NKAIN2: variants seen among roughly 807,000 people sequenced by gnomAD.
NKAIN2 encodes sodium/potassium-transporting ATPase subunit beta-1-interacting protein 2.
A neutral mutation model predicts 32.6 loss-of-function variants in NKAIN2; 14 were observed. The observed-to-expected ratio is 0.43, with a 90% CI of 0.28 to 0.67. NKAIN2 has a LOEUF of 0.67. Among genes scored for constraint, NKAIN2 ranks in the 30% least tolerant of loss-of-function variants. The pLI, the probability that NKAIN2 is intolerant of heterozygous loss-of-function variation, is 0.17. For missense variants in NKAIN2, 198 were observed against 258.3 expected, an observed-to-expected ratio of 0.77 and a Z score of 1.60; for synonymous variants, 80 against 87.2, an observed-to-expected ratio of 0.92 and a Z score of 0.46.
intron 3 of NKAIN2, among the ~76,000 whole-genome samples, chr6:124,394,509 T>A (rs77627048): frequency 0.019 from 1,954 of 101,616 alleles, 20 homozygotes; most frequent in Non-Finnish European, 0.028. Context: ...ATAGATAGAT[T>A]AGATAGATAC....
chr6:124,599,783 C>A (rs1198215115), intron 3 of NKAIN2, among the ~76,000 whole-genome samples: 1 of 152,130 alleles, frequency 6.6e-6, no homozygotes, highest in African/African-American at 2.4e-5. Context: ...CAGAGCACAT[C>A]TACCTCTCTT....
At chr6:123,819,049 C>T (rs755441239) in intron 1 of NKAIN2, among the ~76,000 whole-genome samples, 1 of 151,960 alleles carries the variant, frequency 6.6e-6, no homozygotes, top group Non-Finnish European at 1.5e-5. Flanking sequence ...AAAATGATAC[C>T]GTTCATAGGT....
At chr6:124,225,452 T>C (rs926314514) in intron 1 of NKAIN2, among the ~76,000 whole-genome samples, 4 of 151,850 alleles carry the variant, frequency 2.6e-5, no homozygotes, top group African/African-American at 9.7e-5. Context: ...CATTTGGAAC[T>C]TTTTTTTATT....
intron 3 of NKAIN2, among the ~76,000 whole-genome samples, chr6:124,460,445 G>A (rs1776487857): frequency 6.6e-6 from 1 of 151,474 alleles, no homozygotes; most frequent in Admixed American, 6.6e-5. Flanking sequence ...ACATATCTTT[G>A]TCTTTGAAAA....
At chr6:124,774,223 C>A (rs73571611) in intron 4 of NKAIN2, among the ~76,000 whole-genome samples, 14 of 152,214 alleles carry the variant, frequency 9.2e-5, no homozygotes, top group African/African-American at 2.9e-4. Context: ...AAAGAAATGG[C>A]AAATTGGACC....
chr6:123,990,587 G>T lies in NKAIN2; in HGVS notation c.54+186333G>T, dbSNP rs187410032. 5.0e-4 allele frequency among the ~76,000 whole-genome samples: 76 copies of T among 152,216 alleles called. No homozygotes were observed. In the Middle Eastern group the frequency reaches 0.01, roughly 20 times the overall value. On this transcript the variant is annotated intron_variant, in intron 1 of 6. Coordinates refer to ENST00000368417, the MANE Select transcript of NKAIN2 (RefSeq NM_001040214.3). ...GGTTTAGGGGCTAAGGACCCAGCTG[G>T]CTCTGACACTGACAGTGGTTCACCT... is the stretch of plus-strand genomic sequence containing the variant.
intron 1 of NKAIN2, among the ~76,000 whole-genome samples, chr6:124,132,397 C>T (rs533156910): frequency 2.0e-4 from 30 of 152,302 alleles, no homozygotes; most frequent in Non-Finnish European, 1.5e-5. Flanking sequence ...CCTGATAAAC[C>T]AGAATACTTC....
At chr6:124,674,344 G>T (rs1773256169) in intron 4 of NKAIN2, among the ~76,000 whole-genome samples, 2 of 151,736 alleles carry the variant, frequency 1.3e-5, no homozygotes, top group East Asian at 1.9e-4. Flanking sequence ...GGCTGTTGGG[G>T]TCTTTTTGGT....
At position 124,009,800 on chromosome 6, in the gene NKAIN2, T is replaced by C. The variant is rs907321591; in HGVS notation, c.54+205546T>C. On this transcript the variant is annotated intron_variant, in intron 1 of 6. Transcript: ENST00000368417. The stretch of plus-strand genomic sequence containing the variant: ...TTTAACAATGATTCCTAACGGTTTT[T>C]AGAAAGTGTCCATTTTGTCACCTGC... Among the ~76,000 whole-genome samples the C allele has an allele frequency of 2.6e-5, 4 of 152,178 alleles. No homozygotes were observed. The South Asian group carries it at 8.3e-4, about 31-fold the overall frequency.
At chr6:124,111,916 T>G (rs1785403687) in intron 1 of NKAIN2, among the ~76,000 whole-genome samples, 1 of 152,080 alleles carries the variant, frequency 6.6e-6, no homozygotes, top group Admixed American at 6.5e-5. Flanking sequence ...TTTATGCTAA[T>G]AAGTTGAATT....
intron 2 of NKAIN2, among the ~76,000 whole-genome samples, chr6:124,292,073 T>C (rs1795839708): frequency 6.6e-6 from 1 of 152,166 alleles, no homozygotes; most frequent in Non-Finnish European, 1.5e-5. Context: ...ATTTAACAGT[T>C]ATTTTATATT....
In NKAIN2 at chr6:124,660,428, G is replaced by A. The variant is rs113141584; in HGVS notation, c.474+2042G>A. Among the ~76,000 whole-genome samples, 1,212 of 152,286 alleles carry A rather than the reference G, an allele frequency of 8.0e-3. 21 individuals carry two copies. The highest frequency in any genetic ancestry group is 0.028 in the African/African-American group (1,157 of 41,554). On this transcript the variant is annotated intron_variant, in intron 4 of 6. Transcript: ENST00000368417. Reference sequence around the variant, plus strand: ...ACATTTGGACGTGGGGGCATATGTTGAAGTTGACATACATACCCAAAGAAA... The same window carrying A: ...ACATTTGGACGTGGGGGCATATGTTAAAGTTGACATACATACCCAAAGAAA...
chr6:124,085,472 G>A (rs2114916457), intron 1 of NKAIN2, among the ~76,000 whole-genome samples: 1 of 151,824 alleles, frequency 6.6e-6, no homozygotes, highest in Non-Finnish European at 1.5e-5. Context: ...GTGGCCCTTT[G>A]TGTTTGTCAA....
chr6:124,803,306 C>G (rs1338446288), intron 5 of NKAIN2, among the ~76,000 whole-genome samples: 23 of 152,210 alleles, frequency 1.5e-4, no homozygotes, highest in Admixed American at 1.5e-3. Context: ...CTGAGAGGAA[C>G]AGGTAAGCTT....
intron 3 of NKAIN2, among the ~76,000 whole-genome samples, chr6:124,415,795 T>C (rs1459850625): frequency 6.6e-6 from 1 of 151,468 alleles, no homozygotes. Context: ...GGAAATGGGG[T>C]CAAACCAACT....
intron 1 of NKAIN2, among the ~76,000 whole-genome samples, chr6:123,980,931 G>T (rs1176938502): frequency 6.6e-6 from 1 of 150,516 alleles, no homozygotes; most frequent in Non-Finnish European, 1.5e-5. Flanking sequence ...GTGCAGTGGT[G>T]CGATCTCTGC....
Position 123,803,997 on chromosome 6 carries a change from C to A in NKAIN2, c.-204C>A, listed in dbSNP as rs1337630341. On this transcript the variant is annotated 5_prime_UTR_variant, in exon 1 of 7. Coordinates refer to ENST00000368417, the MANE Select transcript of NKAIN2 (RefSeq NM_001040214.3). ...CGAGTGAAGGTATGTGTGGCGGGCG[C>A]GGCTGGAGCTGCCGCCGCCGCCGCC... 5 of 585,896 alleles carry A rather than the reference C, an allele frequency of 8.5e-6. No individual in the cohort carries two copies. Among genetic ancestry groups the A allele is most frequent in the Non-Finnish European group, 1.5e-5 (5 of 328,372 alleles). 36.3% of individuals were successfully genotyped at this position (585,896 alleles called of 1,614,324 possible). A position where few individuals can be genotyped will look rare whatever the true frequency, so the allele number is the denominator to read the frequency against.
chr6:124,681,084 TAGATGAGAACA>T (rs1295693221), intron 4 of NKAIN2, among the ~76,000 whole-genome samples: 1 of 152,034 alleles, frequency 6.6e-6, no homozygotes, highest in Admixed American at 6.6e-5. Flanking sequence ...CTTTGTTTTA[TAGATGAGAACA>T]CTGAGTCATA....
chr6:124,790,741 G>A (rs764463281), intron 4 of NKAIN2, among the ~76,000 whole-genome samples: 34 of 151,974 alleles, frequency 2.2e-4, no homozygotes, highest in Non-Finnish European at 4.1e-4. Context: ...AAGACGATGC[G>A]ACGTGTGTAA....
Sources: allele counts gnomAD v4.1 joint callset (sites outside exome capture counted in the v4.1 genomes callset), GRCh38; gene constraint gnomAD v4.1.1; transcripts MANE v1.5; gene names NCBI Gene and HGNC (gene_info 2026-07-23, HGNC 2026-07-21).